TRIO: variants seen among roughly 807,000 people sequenced by gnomAD.
TRIO encodes triple functional domain protein.
Under a neutral mutation model 351.9 loss-of-function variants are expected in TRIO, and 58 were observed. The ratio of observed to expected loss-of-function variants is 0.16; its 90% CI spans 0.13 to 0.21. The LOEUF is 0.21. TRIO is among the 10% of genes least tolerant of loss of function. TRIO has a pLI of 1.00. For missense variants in TRIO, 3,201 were observed against 4,027.8 expected, an observed-to-expected ratio of 0.79 and a Z score of 5.56; for synonymous variants, 1,758 against 1,595.7, an observed-to-expected ratio of 1.10 and a Z score of -2.42.
intron 34 of TRIO, among the ~76,000 whole-genome samples, chr5:14,422,202 C>T (rs1168110388): frequency 6.6e-6 from 1 of 152,232 alleles, no homozygotes; most frequent in African/African-American, 2.4e-5. Context: ...CCTCCAGTAT[C>T]AGATGTTCAG....
chr5:14,293,221 C>T, intron 6 of TRIO, 87 bp downstream of exon 6: 3 of 1,579,094 alleles, frequency 1.9e-6, no homozygotes, highest in South Asian at 1.2e-5. Context: ...CTAGGGCTTT[C>T]AAGGGGCCTT....
At chr5:14,220,389 C>T (rs1013175471) in intron 1 of TRIO, among the ~76,000 whole-genome samples, 1 of 152,122 alleles carries the variant, frequency 6.6e-6, no homozygotes, top group Non-Finnish European at 1.5e-5. Context: ...TGAGACACAA[C>T]GATATTGAAA....
At chr5:14,317,135 G>A (rs1739445600) in intron 9 of TRIO, among the ~76,000 whole-genome samples, 1 of 152,204 alleles carries the variant, frequency 6.6e-6, no homozygotes, top group Admixed American at 6.5e-5. Flanking sequence ...CCACGTGGTA[G>A]GTAGTGCAGT....
At chr5:14,327,530 T>G (rs1581626922) in intron 9 of TRIO, among the ~76,000 whole-genome samples, 1 of 152,308 alleles carries the variant, frequency 6.6e-6, no homozygotes, top group East Asian at 1.9e-4. Flanking sequence ...TACCAAATAA[T>G]GTTTATCTTT....
chr5:14,164,599 A>G (rs1788656582), intron 1 of TRIO, among the ~76,000 whole-genome samples: 1 of 151,990 alleles, frequency 6.6e-6, no homozygotes, highest in Non-Finnish European at 1.5e-5. Flanking sequence ...TGCTTCAGGC[A>G]GATTTAAACA....
At chr5:14,258,042 C>T (rs377329909) in intron 1 of TRIO, among the ~76,000 whole-genome samples, 7 of 152,096 alleles carry the variant, frequency 4.6e-5, no homozygotes, top group African/African-American at 1.2e-4. Context: ...CCACAGTCAC[C>T]CCCCCTGGGA....
intron 2 of TRIO, among the ~76,000 whole-genome samples, chr5:14,278,542 G>A (rs118037001): frequency 6.6e-6 from 1 of 152,130 alleles, no homozygotes; most frequent in Non-Finnish European, 1.5e-5. Flanking sequence ...TTAAATAATA[G>A]GTACTGTATT....
At chr5:14,489,982 T>G (rs927908450) in intron 48 of TRIO, among the ~76,000 whole-genome samples, 3 of 152,142 alleles carry the variant, frequency 2.0e-5, no homozygotes, top group African/African-American at 7.2e-5. Context: ...AATGGGGCTT[T>G]AAAAATGCCC....
intron 34 of TRIO, among the ~76,000 whole-genome samples, chr5:14,441,660 C>T (rs964888653): frequency 6.6e-6 from 1 of 152,178 alleles, no homozygotes; most frequent in Non-Finnish European, 1.5e-5. Context: ...TTATAAATGG[C>T]ATGTAAAGAG....
chr5:14,356,572 T>C (rs1356112380), intron 11 of TRIO, among the ~76,000 whole-genome samples: 1 of 152,204 alleles, frequency 6.6e-6, no homozygotes, highest in Non-Finnish European at 1.5e-5. Flanking sequence ...TGGCAGTTTC[T>C]TAAGTTAAGC....
intron 9 of TRIO, among the ~76,000 whole-genome samples, chr5:14,327,975 T>A (rs972403835): frequency 6.6e-6 from 1 of 152,232 alleles, no homozygotes; most frequent in African/African-American, 2.4e-5. Flanking sequence ...AGGTGGTGAA[T>A]GTAGCAATAC....
chr5:14,353,739 A>G (rs971941961), intron 11 of TRIO, among the ~76,000 whole-genome samples: 1 of 152,134 alleles, frequency 6.6e-6, no homozygotes, highest in African/African-American at 2.4e-5. Context: ...ATTACCTCCT[A>G]TGAGAAGTGT....
At position 14,442,224 on chromosome 5, in the gene TRIO, C is replaced by T. The variant is rs1027807251; in HGVS notation, c.5204-18795C>T. 7.9e-5 allele frequency among the ~76,000 whole-genome samples: 12 copies of T among 152,340 alleles called. No individual in the cohort carries two copies. In the South Asian group the frequency reaches 1.2e-3, roughly 16 times the overall value. On this transcript the variant is annotated intron_variant, in intron 34 of 56. Coordinates refer to ENST00000344204, the MANE Select transcript of TRIO (RefSeq NM_007118.4). Reference sequence around the variant, plus strand: ...CTGGGTCACTTTCAGTGTTTGCCTTCACTTTCTTGTCAGCCGTTATCCGCG... The same window carrying T: ...CTGGGTCACTTTCAGTGTTTGCCTTTACTTTCTTGTCAGCCGTTATCCGCG...
chr5:14,492,893 A>G, intron 49 of TRIO, 79 bp downstream of exon 49: 1 of 1,569,898 alleles, frequency 6.4e-7, no homozygotes, highest in Non-Finnish European at 8.6e-7. Context: ...ACGACCTCAG[A>G]CGGGGTAAGC....
At chr5:14,195,633 A>G (rs981079542) in intron 1 of TRIO, among the ~76,000 whole-genome samples, 14 of 152,154 alleles carry the variant, frequency 9.2e-5, no homozygotes, top group Admixed American at 2.0e-4. Context: ...TCAAATGGTA[A>G]TTTTTAAATT....
intron 1 of TRIO, among the ~76,000 whole-genome samples, chr5:14,253,583 C>T (rs1342291491): frequency 2.0e-5 from 3 of 152,172 alleles, no homozygotes; most frequent in African/African-American, 7.2e-5. Flanking sequence ...AGGTGATCTG[C>T]CCGCCTTGGC....
intron 41 of TRIO, among the ~76,000 whole-genome samples, chr5:14,478,217 A>G (rs954919588): frequency 6.6e-6 from 1 of 152,234 alleles, no homozygotes; most frequent in Non-Finnish European, 1.5e-5. Context: ...AAAAACGTGT[A>G]TACTCCCTGG....
chr5:14,213,712 A>G (rs1561209856), intron 1 of TRIO, among the ~76,000 whole-genome samples: 2 of 152,246 alleles, frequency 1.3e-5, no homozygotes, highest in Non-Finnish European at 2.9e-5. Flanking sequence ...ATCTATGAGC[A>G]TTCTGACCTT....
Position 14,508,283 on chromosome 5 carries a change from C to T in TRIO, c.9155C>T (p.Ala3052Val). 1 of 1,613,878 alleles carries T rather than the reference C, an allele frequency of 6.2e-7. No individual in the cohort carries two copies. The highest frequency in any genetic ancestry group is 1.3e-5 in the African/African-American group (1 of 75,052). The change falls in exon 57 of 57, where the codon GCC (alanine) becomes GTC (valine). Residue 3052 changes from alanine to valine, a missense_variant. Around this residue, in one of 19 missense-constraint regions of TRIO, gnomAD observed 233 missense variants for 292.6 expected, o/e 0.80. Transcript: ENST00000344204. ...GCCCTCCAGGAGCAGTGGCTGCAGG[C>T]CGGCAACGGCAGAAGCACGGGCGTC... The part of the protein sequence containing the change: ...ALALQEQWLQ[A>V]GNGRSTGVLD...
Sources: gnomAD v4.1 joint callset for allele counts (sites outside exome capture counted in the v4.1 genomes callset) on GRCh38, gnomAD v4.1.1 for gene constraint, gnomAD v4.1.1 regional missense constraint, MANE v1.5 for transcripts, NCBI Gene and HGNC (gene_info 2026-07-23, HGNC 2026-07-21) for gene names.